Variants in RNF43 observed in about 807,000 individuals in gnomAD.
RNF43 encodes the protein ring finger protein 43.
In RNF43, 37 loss-of-function variants were observed where a neutral mutation model predicts 78.4. The observed-to-expected ratio is 0.47, with a 90% CI of 0.36 to 0.62. The LOEUF (loss-of-function observed/expected upper bound fraction) is 0.62, where lower values mean the gene tolerates loss of function less well. Among genes scored for constraint, RNF43 ranks in the 20% least tolerant of loss-of-function variants. The probability of loss-of-function intolerance (pLI) is 0.00; values close to 1 mark genes in which losing one functional copy is unlikely to be tolerated. For missense variants in RNF43, 774 were observed against 1,007.9 expected, an observed-to-expected ratio of 0.77 and a Z score of 3.14; for synonymous variants, 347 against 395.0, an observed-to-expected ratio of 0.88 and a Z score of 1.44.
Position 58,357,988 on chromosome 17 carries a change from C to G in RNF43, c.1788G>C (p.Gln596His), listed in dbSNP as rs2143400016. ...QPQPEPPSPDQQVTRSNSAAP... is the reference protein window; with the variant it reads ...QPQPEPPSPDHQVTRSNSAAP... Reference sequence around the variant, plus strand: ...CTGCTGAGTTGGATCTGGTGACTTGCTGATCAGGAGAAGGTGGCTCTGGCT... The same window carrying G: ...CTGCTGAGTTGGATCTGGTGACTTGGTGATCAGGAGAAGGTGGCTCTGGCT... The change falls in exon 9 of 10, where the codon CAG (glutamine) becomes CAC (histidine). Residue 596 changes from glutamine (Q) to histidine (H), a missense_variant. Gln to His is a conservative substitution (Grantham distance 24). Coordinates refer to ENST00000407977, the MANE Select transcript of RNF43 (RefSeq NM_017763.6). This position sits in a 1 kb window ranked among gnomAD's most constrained non-coding sequence, Gnocchi z 4.5. 1 of 1,607,244 alleles carries G rather than the reference C, an allele frequency of 6.2e-7. No individual in the cohort carries two copies. The highest frequency in any genetic ancestry group is 8.5e-7 in the Non-Finnish European group (1 of 1,176,974).
At chr17:58,415,267 AAAG>A (rs1474970299) in intron 2 of RNF43, 56 bp downstream of exon 2, 2 of 1,580,500 alleles carry the variant, frequency 1.3e-6, no homozygotes, top group Non-Finnish European at 1.7e-6. Context: ...TTGGGAGACA[AAAG>A]AAGAAAGACA....
rs1423787166 is a variant in RNF43, at chr17:58,358,494, G to A, written c.1282C>T (p.Pro428Ser). ...LSHLQSTSQH[P>S]AACPVPLRRA... ...CGTAGGGGCACTGGGCAAGCAGCAG[G>A]GTGCTGTGAGGTGGATTGGAGGTGG... The change falls in exon 9 of 10, where the codon CCT becomes TCT. Residue 428 changes from proline (P) to serine (S), a missense_variant. By Grantham distance (74) the Pro-to-Ser change is moderately conservative. Transcript: ENST00000407977. This position sits in a 1 kb window ranked among gnomAD's most constrained non-coding sequence, Gnocchi z 6.2. 1.9e-6 allele frequency: 3 copies of A among 1,613,624 alleles called. No individual in the cohort carries two copies. Among genetic ancestry groups the A allele is most frequent in the African/African-American group, 2.7e-5 (2 of 74,938 alleles).
At chr17:58,377,169 T>C in intron 2 of RNF43, among the ~76,000 whole-genome samples, 1 of 152,162 alleles carries the variant, frequency 6.6e-6, no homozygotes, top group East Asian at 1.9e-4. Flanking sequence ...ATATTGCTCG[T>C]CTTTGGAATG....
At chr17:58,361,273 C>G (rs1972829942) in intron 6 of RNF43, among the ~76,000 whole-genome samples, 1 of 152,210 alleles carries the variant, frequency 6.6e-6, no homozygotes, top group Non-Finnish European at 1.5e-5. Context: ...GGGTTCATCT[C>G]CAACCACATA....
At chr17:58,405,673 C>CAG (rs1483936329) in intron 2 of RNF43, among the ~76,000 whole-genome samples, 1 of 140,574 alleles carries the variant, frequency 7.1e-6, no homozygotes, top group Non-Finnish European at 1.5e-5. Context: ...AGAGAGGTGA[C>CAG]AGAGAGAGAG....
intron 3 of RNF43, among the ~76,000 whole-genome samples, chr17:58,370,069 T>G (rs1422445204): frequency 2.0e-5 from 2 of 99,762 alleles, no homozygotes; most frequent in East Asian, 3.9e-4. Flanking sequence ...AGTTTTTTTT[T>G]TTTTTTTTTT....
chr17:58,367,069 C>T lies in RNF43; in HGVS notation c.376-3469G>A, dbSNP rs572370206. Among the ~76,000 whole-genome samples, 9 of 146,838 alleles carry T rather than the reference C, an allele frequency of 6.1e-5. No individual in the cohort carries two copies. The South Asian group carries it at 6.4e-4, about 10-fold the overall frequency. On this transcript the variant is annotated intron_variant, in intron 3 of 9. Coordinates refer to ENST00000407977, the MANE Select transcript of RNF43 (RefSeq NM_017763.6). Reference sequence around the variant, plus strand: ...AGTGCAGTGGTGTGTGGTGTGATCTCGGCTCACTGCAACTGCCGCCTCCTG... The same window carrying T: ...AGTGCAGTGGTGTGTGGTGTGATCTTGGCTCACTGCAACTGCCGCCTCCTG...
intron 2 of RNF43, among the ~76,000 whole-genome samples, chr17:58,377,041 CCTCCTTAA>C (rs1236621663): frequency 7.9e-6 from 1 of 126,562 alleles, no homozygotes; most frequent in Admixed American, 8.7e-5. Context: ...CTCCCTGTGT[CCTCCTTAA>C]CTTATTTGTT....
intron 2 of RNF43, among the ~76,000 whole-genome samples, chr17:58,379,573 C>A (rs1362955819): frequency 3.3e-5 from 5 of 152,206 alleles, no homozygotes; most frequent in Admixed American, 3.3e-4. Context: ...CACCTATCCT[C>A]ATTTCAGACT....
At chr17:58,400,206 T>A (rs757997897) in intron 2 of RNF43, among the ~76,000 whole-genome samples, 1 of 152,186 alleles carries the variant, frequency 6.6e-6, no homozygotes, top group Admixed American at 6.5e-5. Flanking sequence ...AGAACTCACA[T>A]ACTATTAGTC....
In RNF43 at chr17:58,384,307, G is replaced by C. The variant is rs562270734; in HGVS notation, c.253-13274C>G. ...CAGGGAGGTGCCATCACCACACTGA[G>C]TGGGTAAGGGAAGTACTTAGAGAGT... On this transcript the variant is annotated intron_variant, in intron 2 of 9. Coordinates refer to ENST00000407977, the MANE Select transcript of RNF43 (RefSeq NM_017763.6). Among the ~76,000 whole-genome samples the C allele has an allele frequency of 3.3e-5, 5 of 152,334 alleles. No homozygotes were observed. The South Asian group carries it at 1.0e-3, about 32-fold the overall frequency.
intron 2 of RNF43, among the ~76,000 whole-genome samples, chr17:58,398,174 AG>A (rs1397653887): frequency 6.6e-6 from 1 of 152,222 alleles, no homozygotes; most frequent in African/African-American, 2.4e-5. Context: ...TCTGAAGACC[AG>A]GAAGTCCTTA....
In RNF43 at chr17:58,357,099, G is replaced by A; in HGVS notation, c.2308+369C>T. 1.5e-6 allele frequency: 1 copy of A among 647,582 alleles called. No homozygotes were observed. Among genetic ancestry groups the A allele is most frequent in the Non-Finnish European group, 2.8e-6 (1 of 357,080 alleles). The allele number at this position is 647,582 out of a possible 1,614,324, so 40.1% of individuals were successfully genotyped here. A position where few individuals can be genotyped will look rare whatever the true frequency, so the allele number is the denominator to read the frequency against. ...AGTAGAGATAGGGTTTCACCATGTT[G>A]GCCAGGTTGGTCTTGAACTCCTGGC... On this transcript the variant is annotated intron_variant, in intron 9 of 9. Coordinates refer to ENST00000407977, the MANE Select transcript of RNF43 (RefSeq NM_017763.6). The surrounding 1 kb of genome is among the most constrained non-coding windows in gnomAD (Gnocchi z 4.5).
chr17:58,407,845 C>T (rs773900958), intron 2 of RNF43, among the ~76,000 whole-genome samples: 3 of 152,274 alleles, frequency 2.0e-5, no homozygotes, highest in South Asian at 2.1e-4. Context: ...CATAAAGCCA[C>T]GACGGTTCTA....
At chr17:58,368,546 C>T (rs919800559) in intron 3 of RNF43, among the ~76,000 whole-genome samples, 4 of 143,320 alleles carry the variant, frequency 2.8e-5, no homozygotes, top group Admixed American at 1.4e-4. Flanking sequence ...GACTCCATCT[C>T]GTTAAAAAAA....
intron 2 of RNF43, among the ~76,000 whole-genome samples, chr17:58,376,385 A>T (rs1198530506): frequency 6.6e-6 from 1 of 152,170 alleles, no homozygotes; most frequent in African/African-American, 2.4e-5. Flanking sequence ...AAAATAAATA[A>T]ATAAAGTAAC....
chr17:58,407,771 A>AAGAAAACAAAGTTAAAGTTTGTTTTAT (rs1973944079), intron 2 of RNF43, among the ~76,000 whole-genome samples: 4 of 152,230 alleles, frequency 2.6e-5, no homozygotes, highest in African/African-American at 9.6e-5. Flanking sequence ...AAGACACGGG[A>AAGAAAACAAAGTTAAAGTTTGTTTTAT]AGAAAACAAA....
At chr17:58,383,279 A>T (rs1489658892) in intron 2 of RNF43, among the ~76,000 whole-genome samples, 1 of 151,970 alleles carries the variant, frequency 6.6e-6, no homozygotes. Flanking sequence ...CTGAAGCCCA[A>T]GTTTTTTTGT....
Position 58,357,697 on chromosome 17 carries a change from G to A in RNF43, c.2079C>T (p.Ser693=), listed in dbSNP as rs1416660484. 2.5e-6 allele frequency: 4 copies of A among 1,611,830 alleles called. No homozygotes were observed. The Admixed American group carries it at 5.0e-5, about 20-fold the overall frequency. Residue 693 remains serine (S), a synonymous_variant, in exon 9 of 10, where the codon TCC becomes TCT. Transcript: ENST00000407977. This position sits in a 1 kb window ranked among gnomAD's most constrained non-coding sequence, Gnocchi z 4.5. The part of the protein sequence containing the change: ...HYTPSVAYPW[S]PEAHPLICGP... The stretch of plus-strand genomic sequence containing the variant: ...CACAGATCAAGGGGTGTGCCTCTGG[G>A]GACCAAGGATATGCCACACTGGGGG...
Sources: gnomAD v4.1 joint callset for allele counts (sites outside exome capture counted in the v4.1 genomes callset) on GRCh38, gnomAD v4.1.1 for gene constraint, Gnocchi (gnomAD v3.1) non-coding constraint, MANE v1.5 for transcripts, NCBI Gene and HGNC (gene_info 2026-07-23, HGNC 2026-07-21) for gene names.